The following RIPOR1 variants were observed in gnomAD, a reference collection of about 807,000 sequenced individuals.
The protein encoded by RIPOR1 is rho family-interacting cell polarization regulator 1.
Under a neutral mutation model 116.5 loss-of-function variants are expected in RIPOR1, and 58 were observed. The ratio of observed to expected loss-of-function variants is 0.50; its 90% confidence interval spans 0.40 to 0.62. The LOEUF is 0.62. Among genes scored for constraint, RIPOR1 ranks in the 20% least tolerant of loss-of-function variants. RIPOR1 has a pLI of 0.00. For missense variants in RIPOR1, 1,372 were observed against 1,586.2 expected (o/e 0.86, Z 2.29); for synonymous variants, 605 against 650.0 (o/e 0.93, Z 1.05).
intron 1 of RIPOR1, among the ~76,000 whole-genome samples, chr16:67,523,510 G>A (rs2050512124): frequency 1.0e-5 from 1 of 98,504 alleles, no homozygotes; most frequent in African/African-American, 4.3e-5. Flanking sequence ...TAGTGACAGA[G>A]CAAGACTCCA....
In RIPOR1 at chr16:67,540,056, G is replaced by T. The variant is rs771818233; in HGVS notation, c.418G>T (p.Asp140Tyr). 6.2e-7 allele frequency: 1 copy of T among 1,614,040 alleles called. No individual in the cohort carries two copies. Among genetic ancestry groups the T allele is most frequent in the African/African-American group, 1.3e-5 (1 of 74,924 alleles). Residue 140 changes from aspartate (D) to tyrosine (Y), a missense_variant, in exon 7 of 22, where the codon GAT becomes TAT. Physicochemically the swap from Asp to Tyr is radical, Grantham distance 160. Transcript: ENST00000042381. The surrounding 1 kb of genome is among the most constrained non-coding windows in gnomAD (Gnocchi z 4.7). ...GTCACCCCACTCACCTTCCCAGATC[G>T]ATGAGCTGTATGAGGCATACTGTGT... is the stretch of plus-strand genomic sequence containing the variant. ...RRLEFHASKI[D>Y]ELYEAYCVQR...
At chr16:67,522,295 C>T (rs989573560) in intron 1 of RIPOR1, among the ~76,000 whole-genome samples, 29 of 151,172 alleles carry the variant, frequency 1.9e-4, no homozygotes, top group African/African-American at 6.6e-4. Flanking sequence ...CTCCGCCTCC[C>T]AGGTTCCAGC....
chr16:67,541,742 G>A lies in RIPOR1; in HGVS notation c.1040G>A (p.Ser347Asn). 1 of 1,614,060 alleles carries A rather than the reference G, an allele frequency of 6.2e-7. No homozygotes were observed. Among genetic ancestry groups the A allele is most frequent in the Non-Finnish European group, 8.5e-7 (1 of 1,179,980 alleles). ...AAGCGCTTCTCCACCTATAGCCAGA[G>A]CCCACCGGACACACCCTCACTTCGG... ...VTKRFSTYSQ[S>N]PPDTPSLREQ... Residue 347 changes from serine (S) to asparagine (N), a missense_variant, in exon 12 of 22, where the codon AGC becomes AAC. Around this residue, in one of 3 missense-constraint regions of RIPOR1, gnomAD observed 1,005 missense variants for 1,144.7 expected, o/e 0.88. Transcript: ENST00000042381. This position sits in a 1 kb window ranked among gnomAD's most constrained non-coding sequence, Gnocchi z 4.6.
chr16:67,522,422 G>C (rs540790765), intron 1 of RIPOR1, among the ~76,000 whole-genome samples: 1 of 150,950 alleles, frequency 6.6e-6, no homozygotes, highest in Non-Finnish European at 1.5e-5. Context: ...GGCTGGTCTC[G>C]AACTCCTGAC....
At chr16:67,518,438 T>G (rs2050466483) in exon 1 of RIPOR1, 1 of 152,356 alleles carries the variant, frequency 6.6e-6, no homozygotes, top group South Asian at 2.1e-4. Context: ...CTCTCTTGGC[T>G]TCCTGGGACA....
chr16:67,538,628 G>A (rs369978963), intron 2 of RIPOR1, 44 bp from the exon 3 acceptor site: 1 of 1,608,824 alleles, frequency 6.2e-7, no homozygotes, highest in Non-Finnish European at 8.5e-7. Context: ...TGAGAGTCTG[G>A]GGGACTCCTG....
In RIPOR1 at chr16:67,541,916, T is replaced by C; in HGVS notation, c.1130T>C (p.Leu377Pro). Residue 377 changes from leucine (L) to proline (P), a missense_variant, in exon 13 of 22, where the codon CTG becomes CCG. Physicochemically the swap from Leu to Pro is moderately conservative, Grantham distance 98. Around this residue, in one of 3 missense-constraint regions of RIPOR1, gnomAD observed 1,005 missense variants for 1,144.7 expected, o/e 0.88. Transcript: ENST00000042381. The surrounding 1 kb of genome is among the most constrained non-coding windows in gnomAD (Gnocchi z 4.6). ...CTGGAGAATGGGACAGCATGGTCCC[T>C]GTCATCTGAATCTTCAGACGACTCA... Reference protein sequence around the residue: ...EELENGTAWSLSSESSDDSSS... With the variant: ...EELENGTAWSPSSESSDDSSS... The C allele has an allele frequency of 2.5e-6, 4 of 1,612,116 alleles. No homozygotes were observed. The highest frequency in any genetic ancestry group is 3.4e-6 in the Non-Finnish European group (4 of 1,179,160).
rs2050998115 is a variant in RIPOR1 at position 67,541,889 on chromosome 16, A to G, written c.1103A>G (p.Glu368Gly). The G allele has an allele frequency of 1.9e-6, 3 of 1,609,314 alleles. No homozygotes were observed. The highest frequency in any genetic ancestry group is 2.5e-6 in the Non-Finnish European group (3 of 1,176,628). ...CAGAACATGCTGCGACGGCAGGAGG[A>G]GCTGGAGAATGGGACAGCATGGTCC... is the stretch of plus-strand genomic sequence containing the variant. ...AFYNMLRRQE[E>G]LENGTAWSLS... The change falls in exon 13 of 22, where the codon GAG (glutamate) becomes GGG (glycine). Residue 368 changes from glutamate (E) to glycine (G), a missense_variant. By Grantham distance (98) the Glu-to-Gly change is moderately conservative. Transcript: ENST00000042381. This position sits in a 1 kb window ranked among gnomAD's most constrained non-coding sequence, Gnocchi z 4.6.
chr16:67,542,185 G>A lies in RIPOR1; in HGVS notation c.1399G>A (p.Ala467Thr). 6.2e-7 allele frequency: 1 copy of A among 1,613,906 alleles called. No individual in the cohort carries two copies. Among genetic ancestry groups the A allele is most frequent in the South Asian group, 1.1e-5 (1 of 91,078 alleles). ...TGCCTTGGCTGAGGCTTCAGTGGAG[G>A]CCGTTGGCCCAGAAAGCCTAGCCTG... ...DAALAEASVE[A>T]VGPESLAWGP... is the part of the protein sequence containing the mutation. The change falls in exon 13 of 22, where the codon GCC becomes ACC. Residue 467 changes from alanine to threonine, a missense_variant. By Grantham distance (58) the Ala-to-Thr change is moderately conservative. This residue lies in a region of RIPOR1 where 1,005 missense variants were observed against 1,144.7 expected (regional missense o/e 0.88). Coordinates refer to ENST00000042381, the MANE Select transcript of RIPOR1 (RefSeq NM_024519.4). This position sits in a 1 kb window ranked among gnomAD's most constrained non-coding sequence, Gnocchi z 4.6.
rs1375961864 is a variant in RIPOR1 at position 67,530,984 on chromosome 16, G to T, written c.-24+2070G>T. Among the ~76,000 whole-genome samples, 1 of 152,134 alleles carries T rather than the reference G, an allele frequency of 6.6e-6. No individual in the cohort carries two copies. Among genetic ancestry groups the T allele is most frequent in the Admixed American group, 6.5e-5 (1 of 15,278 alleles). ...ATCTCCCGAAGCGGTCACTCAGATG[G>T]ACATTATGATGGTCATTTGTACCAA... On this transcript the variant is annotated intron_variant, in intron 1 of 21. Transcript: ENST00000042381. The surrounding 1 kb of genome is among the most constrained non-coding windows in gnomAD (Gnocchi z 4.5).
At chr16:67,522,191 A>ATTTTTTTTTTTT (rs34835336) in intron 1 of RIPOR1, among the ~76,000 whole-genome samples, 2 of 71,340 alleles carry the variant, frequency 2.8e-5, no homozygotes, top group African/African-American at 5.7e-5. Context: ...CCACGCCCAG[A>ATTTTTTTTTTTT]TTTTTTTTTT....
chr16:67,520,785 G>A (rs1338407437), intron 1 of RIPOR1, among the ~76,000 whole-genome samples: 1 of 151,332 alleles, frequency 6.6e-6, no homozygotes. Flanking sequence ...AGGCGACAGA[G>A]TGAGACTCCA....
Position 67,529,983 on chromosome 16 carries a change from T to C in RIPOR1, c.-24+1069T>C. The C allele has an allele frequency of 1.4e-6, 1 of 725,710 alleles. No homozygotes were observed. The highest frequency in any genetic ancestry group is 2.0e-5 in the Admixed American group (1 of 49,046). The allele number at this position is 725,710 out of a possible 1,614,324, so 45.0% of individuals were successfully genotyped here. A position where few individuals can be genotyped will look rare whatever the true frequency, so the allele number is the denominator to read the frequency against. ...GAGGAGAGGAATGATAATTGGGGGCTGAGGTACAAAATACTCCAGCGGGAC... is the reference window on the plus strand; with the variant it reads ...GAGGAGAGGAATGATAATTGGGGGCCGAGGTACAAAATACTCCAGCGGGAC... On this transcript the variant is annotated intron_variant, in intron 1 of 21. Coordinates refer to ENST00000042381, the MANE Select transcript of RIPOR1 (RefSeq NM_024519.4). The surrounding 1 kb of genome is among the most constrained non-coding windows in gnomAD (Gnocchi z 4.1).
rs2050939977 is a variant in RIPOR1 at position 67,540,307 on chromosome 16, G to A, written c.575G>A (p.Cys192Tyr). Residue 192 changes from cysteine to tyrosine, a missense_variant, in exon 8 of 22, where the codon TGT becomes TAT. Physicochemically the swap from Cys to Tyr is radical, Grantham distance 194 (BLOSUM62 -2). This residue lies in a region of RIPOR1 where 202 missense variants were observed against 295.9 expected (regional missense o/e 0.68). Transcript: ENST00000042381. The surrounding 1 kb of genome is among the most constrained non-coding windows in gnomAD (Gnocchi z 4.7). The part of the protein sequence containing the change: ...RGHREYTESM[C>Y]LLESELEAQL... ...CCTGCCCCTCCCTCCCAGAGCATGT[G>A]TCTGCTGGAGAGCGAGCTGGAGGCA... The A allele has an allele frequency of 6.2e-7, 1 of 1,614,146 alleles. No homozygotes were observed. Among genetic ancestry groups the A allele is most frequent in the Non-Finnish European group, 8.5e-7 (1 of 1,180,028 alleles).
Position 67,529,886 on chromosome 16 carries a change from G to A in RIPOR1, c.-24+972G>A, listed in dbSNP as rs769624040. The A allele has an allele frequency of 2.1e-6, 3 of 1,440,610 alleles. No individual in the cohort carries two copies. The East Asian group carries it at 7.4e-5, about 36-fold the overall frequency. The allele number at this position is 1,440,610 out of a possible 1,614,324, so 89.2% of individuals were successfully genotyped here. On this transcript the variant is annotated intron_variant, in intron 1 of 21. Coordinates refer to ENST00000042381, the MANE Select transcript of RIPOR1 (RefSeq NM_024519.4). This position sits in a 1 kb window ranked among gnomAD's most constrained non-coding sequence, Gnocchi z 4.1. ...TTAGTAGTATTCTCAAGGTCACACA[G>A]CTGGTTTGGGAGAAGCGAGGATTAG... is the stretch of plus-strand genomic sequence containing the variant.
At position 67,540,810 on chromosome 16, in the gene RIPOR1, C is replaced by A. The variant is rs2050958951; in HGVS notation, c.801+106C>A. On this transcript the variant is annotated intron_variant, in intron 10 of 21. Transcript: ENST00000042381. The surrounding 1 kb of genome is among the most constrained non-coding windows in gnomAD (Gnocchi z 4.7). ...CTGTGATCCCCTCATAGCTCCATAG[C>A]CCTGTGAAGATATGATTCCATGACC... 2 of 1,161,338 alleles carry A rather than the reference C, an allele frequency of 1.7e-6. No homozygotes were observed. The highest frequency in any genetic ancestry group is 2.5e-6 in the Non-Finnish European group (2 of 812,450). The allele number at this position is 1,161,338 out of a possible 1,614,324, so 71.9% of individuals were successfully genotyped here. A position where few individuals can be genotyped will look rare whatever the true frequency, so the allele number is the denominator to read the frequency against.
Position 67,542,630 on chromosome 16 carries a change from C to G in RIPOR1, c.1844C>G (p.Pro615Arg), listed in dbSNP as rs1367864755. The G allele has an allele frequency of 1.2e-6, 2 of 1,613,696 alleles. No individual in the cohort carries two copies. ...MPSPTHTTAS[P>R]THTSTSPTHT... is the part of the protein sequence containing the mutation. ...AGCCCTACCCATACCACAGCAAGCC[C>G]CACTCATACTTCCACAAGCCCCACC... The change falls in exon 13 of 22, where the codon CCC (proline) becomes CGC (arginine). Residue 615 changes from proline (P) to arginine (R), a missense_variant. Around this residue, in one of 3 missense-constraint regions of RIPOR1, gnomAD observed 1,005 missense variants for 1,144.7 expected, o/e 0.88. Transcript: ENST00000042381. This position sits in a 1 kb window ranked among gnomAD's most constrained non-coding sequence, Gnocchi z 4.6.
At chr16:67,528,337 G>A (rs8061280), upstream of RIPOR1, 1 of 152,262 alleles carries the variant, frequency 6.6e-6, no homozygotes, top group Non-Finnish European at 1.5e-5. Flanking sequence ...GTGGCAGAAA[G>A]GGCGGCCTGC....
rs1296497059 is a variant in RIPOR1, at chr16:67,531,381, G to T, written c.-24+2467G>T. ...CCAGAGCGCTGTGGTGAGCCAAGCA[G>T]ATATGCCCCAGGTCTCACAAGGTTC... On this transcript the variant is annotated intron_variant, in intron 1 of 21. Coordinates refer to ENST00000042381, the MANE Select transcript of RIPOR1 (RefSeq NM_024519.4). This position sits in a 1 kb window ranked among gnomAD's most constrained non-coding sequence, Gnocchi z 4.2. Among the ~76,000 whole-genome samples, 1 of 151,534 alleles carries T rather than the reference G, an allele frequency of 6.6e-6. No homozygotes were observed. Among genetic ancestry groups the T allele is most frequent in the Non-Finnish European group, 1.5e-5 (1 of 67,918 alleles).
Sources: gnomAD v4.1 joint callset for allele counts (sites outside exome capture counted in the v4.1 genomes callset) on GRCh38, gnomAD v4.1.1 for gene constraint, gnomAD v4.1.1 regional missense constraint, Gnocchi (gnomAD v3.1) non-coding constraint, MANE v1.5 for transcripts, NCBI Gene and HGNC (gene_info 2026-07-23, HGNC 2026-07-21) for gene names.